Variants in SLC24A2 observed in about 807,000 individuals in gnomAD.
The protein encoded by SLC24A2 is solute carrier family 24 member 2, also known as sodium/potassium/calcium exchanger 2.
In SLC24A2, 36 loss-of-function variants were observed where a neutral mutation model predicts 62.0. The observed-to-expected ratio is 0.58, with a 90% CI of 0.44 to 0.77. The LOEUF is 0.77. Among genes scored for constraint, SLC24A2 ranks in the 30% least tolerant of loss-of-function variants. The pLI, the probability that SLC24A2 is intolerant of heterozygous loss-of-function variation, is 0.00. For missense variants in SLC24A2, 846 were observed against 817.9 expected (o/e 1.03, Z -0.42); for synonymous variants, 358 against 294.0 (o/e 1.22, Z -2.23).
At chr9:20,063,441 A>C in the SLC24A2 span, among the ~76,000 whole-genome samples, 2 of 138,418 alleles carry the variant, frequency 1.4e-5, no homozygotes, top group African/African-American at 5.4e-5. Context: ...GAATTGAACA[A>C]TGAGAACACA....
chr9:19,528,768 G>C (rs1563934814), intron 8 of SLC24A2, among the ~76,000 whole-genome samples: 1 of 152,198 alleles, frequency 6.6e-6, no homozygotes, highest in Non-Finnish European at 1.5e-5. Flanking sequence ...GACCAGAGTA[G>C]ACAGAGGCAG....
the SLC24A2 span, among the ~76,000 whole-genome samples, chr9:19,946,415 G>C: frequency 1.3e-5 from 2 of 152,198 alleles, no homozygotes; most frequent in African/African-American, 4.8e-5. Flanking sequence ...CATCTGAGGA[G>C]CTCAATCAGT....
chr9:19,762,204 A>G (rs1299882630), intron 2 of SLC24A2, among the ~76,000 whole-genome samples: 2 of 152,164 alleles, frequency 1.3e-5, no homozygotes, highest in Admixed American at 1.3e-4. Flanking sequence ...GATTCTGGAT[A>G]TTAGCCCTTT....
At chr9:19,785,818 A>G (rs994655687) in intron 2 of SLC24A2, 119 bp downstream of exon 2, 9 of 1,307,098 alleles carry the variant, frequency 6.9e-6, no homozygotes, top group African/African-American at 1.5e-5. Context: ...TGCAGAATCA[A>G]TCTGCTATCC....
At chr9:20,307,199 A>C in the SLC24A2 span, among the ~76,000 whole-genome samples, 1 of 152,196 alleles carries the variant, frequency 6.6e-6, no homozygotes, top group Non-Finnish European at 1.5e-5. Flanking sequence ...CAAAAAAACA[A>C]TTATTATTAA....
At chr9:19,678,097 T>C (rs1224001508) in intron 2 of SLC24A2, among the ~76,000 whole-genome samples, 1 of 152,122 alleles carries the variant, frequency 6.6e-6, no homozygotes, top group Admixed American at 6.6e-5. Flanking sequence ...TCTTTCCTCA[T>C]CCCATCACTC....
chr9:20,281,873 C>T, the SLC24A2 span, among the ~76,000 whole-genome samples: 2 of 152,114 alleles, frequency 1.3e-5, no homozygotes, highest in African/African-American at 2.4e-5. Context: ...ATATGAACAA[C>T]GTACATTTAT....
chr9:19,908,315 A>T, the SLC24A2 span, among the ~76,000 whole-genome samples: 6 of 152,148 alleles, frequency 3.9e-5, no homozygotes, highest in African/African-American at 1.4e-4. Flanking sequence ...CCTTCCTTAC[A>T]CCTTATACAA....
At chr9:19,945,653 A>G in the SLC24A2 span, among the ~76,000 whole-genome samples, 1 of 152,188 alleles carries the variant, frequency 6.6e-6, no homozygotes, top group Non-Finnish European at 1.5e-5. Flanking sequence ...ACTCCTTTGA[A>G]TTAGGAGTGA....
the SLC24A2 span, among the ~76,000 whole-genome samples, chr9:19,811,572 GT>G: frequency 2.0e-5 from 3 of 152,026 alleles, no homozygotes; most frequent in African/African-American, 7.2e-5. Context: ...CTTCCAAAGT[GT>G]TGGGATTACA....
At chr9:19,532,656 G>C (rs551870140) in intron 8 of SLC24A2, among the ~76,000 whole-genome samples, 1 of 152,328 alleles carries the variant, frequency 6.6e-6, no homozygotes, top group Non-Finnish European at 1.5e-5. Context: ...ACCTGGCCCA[G>C]AGTCTTGGCT....
intron 5 of SLC24A2, among the ~76,000 whole-genome samples, chr9:19,580,420 C>T (rs556599651): frequency 1.8e-4 from 27 of 152,316 alleles, no homozygotes; most frequent in Admixed American, 1.7e-3. Flanking sequence ...GATTCCAGCC[C>T]ACTGGATACG....
chr9:20,058,521 A>ACACACACACACACACACACAC, the SLC24A2 span, among the ~76,000 whole-genome samples: 2 of 151,710 alleles, frequency 1.3e-5, no homozygotes, highest in African/African-American at 4.8e-5. Context: ...ACACACACAC[A>ACACACACACACACACACACAC]AATATTTGGG....
chr9:20,283,995 C>T, the SLC24A2 span, among the ~76,000 whole-genome samples: 1 of 152,184 alleles, frequency 6.6e-6, no homozygotes, highest in South Asian at 2.1e-4. Flanking sequence ...CTGCTTTTCC[C>T]TGGGTTCTAC....
At chr9:20,269,533 T>A in the SLC24A2 span, among the ~76,000 whole-genome samples, 4 of 152,118 alleles carry the variant, frequency 2.6e-5, no homozygotes, top group African/African-American at 9.7e-5. Context: ...GTGTTCTGGG[T>A]GTCTCTCTTC....
At chr9:19,767,207 C>T (rs1180040235) in intron 2 of SLC24A2, among the ~76,000 whole-genome samples, 3 of 152,208 alleles carry the variant, frequency 2.0e-5, no homozygotes, top group Admixed American at 6.5e-5. Flanking sequence ...AATTTCAAGC[C>T]AGTGGATCTT....
At chr9:19,914,579 TATC>T in the SLC24A2 span, among the ~76,000 whole-genome samples, 2 of 152,240 alleles carry the variant, frequency 1.3e-5, no homozygotes, top group Middle Eastern at 3.4e-3. Context: ...CCAGCTCAAA[TATC>T]ATCTATTCTG....
In SLC24A2 at chr9:19,565,330, C is replaced by T. The variant is rs553367094; in HGVS notation, c.1347+8021G>A. 8.5e-4 allele frequency among the ~76,000 whole-genome samples: 117 copies of T among 138,346 alleles called. 3 individuals are homozygous for T. Among genetic ancestry groups the T allele is most frequent in the African/African-American group, 3.0e-3 (111 of 36,472 alleles). 90.8% of individuals were successfully genotyped at this position (138,346 alleles called of 152,430 possible). On this transcript the variant is annotated intron_variant, in intron 7 of 10. Coordinates refer to ENST00000341998, the MANE Select transcript of SLC24A2 (RefSeq NM_020344.4). ...TTCTTATACACCAACAACAGACAAA[C>T]AGAGAGCCAAATCATGAGTGAACTC... is the stretch of plus-strand genomic sequence containing the variant.
At chr9:19,769,818 T>G (rs1284751744) in intron 2 of SLC24A2, among the ~76,000 whole-genome samples, 1 of 152,036 alleles carries the variant, frequency 6.6e-6, no homozygotes, top group Non-Finnish European at 1.5e-5. Flanking sequence ...ACAAAATGCC[T>G]TTTGCTTAAC....
Sources: gnomAD v4.1 joint callset for allele counts (sites outside exome capture counted in the v4.1 genomes callset) on GRCh38, gnomAD v4.1.1 for gene constraint, MANE v1.5 for transcripts, NCBI Gene and HGNC (gene_info 2026-07-23, HGNC 2026-07-21) for gene names.